The following ATP2B2 variants were observed in gnomAD, a reference collection of about 807,000 sequenced individuals.
ATP2B2 encodes plasma membrane calcium-transporting ATPase 2.
ATP2B2 carries 15 observed loss-of-function variants against 120.0 expected under a neutral mutation model. That is an observed-to-expected ratio of 0.12 (90% CI 0.08 to 0.19). ATP2B2 has a LOEUF of 0.19. Ranked by LOEUF, ATP2B2 falls within the 10% of genes least tolerant of loss-of-function variation. The pLI is 1.00. For missense variants in ATP2B2, 1,045 were observed against 1,719.8 expected, an observed-to-expected ratio of 0.61 and a Z score of 6.94; for synonymous variants, 694 against 700.3, an observed-to-expected ratio of 0.99 and a Z score of 0.14.
chr3:10,442,158 T>G (rs1340536572), intron 2 of ATP2B2, among the ~76,000 whole-genome samples: 2 of 152,112 alleles, frequency 1.3e-5, no homozygotes, highest in Non-Finnish European at 2.9e-5. Flanking sequence ...CAGGGTAGTT[T>G]TGGGACTCAG....
chr3:10,534,732 T>G (rs1358461041), intron 2 of ATP2B2, among the ~76,000 whole-genome samples: 1 of 152,078 alleles, frequency 6.6e-6, no homozygotes, highest in African/African-American at 2.4e-5. Context: ...TCATAATACC[T>G]ATTTTTCAGG....
chr3:10,546,612 TTC>T (rs1202957112), intron 2 of ATP2B2, among the ~76,000 whole-genome samples: 2 of 152,338 alleles, frequency 1.3e-5, no homozygotes, highest in East Asian at 3.9e-4. Context: ...AACTCCTCCC[TTC>T]TGAGGTCCCT....
At chr3:10,489,871 A>G (rs566958498) in intron 1 of ATP2B2, among the ~76,000 whole-genome samples, 1 of 152,144 alleles carries the variant, frequency 6.6e-6, no homozygotes, top group Non-Finnish European at 1.5e-5. Context: ...CTCAACTTAC[A>G]ACCATTTAGC....
chr3:10,685,704 G>A (rs528836175), intron 1 of ATP2B2, among the ~76,000 whole-genome samples: 143 of 152,290 alleles, frequency 9.4e-4, no homozygotes, highest in African/African-American at 3.3e-3. Context: ...ATGGTCTAGT[G>A]GTGGGCATGT....
chr3:10,583,976 C>T (rs973615500), intron 2 of ATP2B2, among the ~76,000 whole-genome samples: 4 of 152,226 alleles, frequency 2.6e-5, no homozygotes, highest in African/African-American at 7.2e-5. Flanking sequence ...AGGCAGTAAT[C>T]GCTGGCCAGG....
intron 1 of ATP2B2, among the ~76,000 whole-genome samples, chr3:10,664,752 C>T (rs1439282510): frequency 4.6e-5 from 7 of 152,144 alleles, no homozygotes; most frequent in Admixed American, 4.6e-4. Flanking sequence ...TAGCGGGTGC[C>T]TTGAAAAGGG....
chr3:10,562,110 G>A (rs2067915861), intron 2 of ATP2B2, among the ~76,000 whole-genome samples: 1 of 152,232 alleles, frequency 6.6e-6, no homozygotes, highest in African/African-American at 2.4e-5. Flanking sequence ...AGGTCTGCTA[G>A]TATATGAACA....
chr3:10,644,700 G>A (rs575036844), intron 1 of ATP2B2, among the ~76,000 whole-genome samples: 44 of 152,262 alleles, frequency 2.9e-4, no homozygotes, highest in Admixed American at 2.2e-3. Flanking sequence ...CAATAAGTCC[G>A]CAGAGACAGA....
chr3:10,707,941 T>TGCC (rs1329151337), exon 1 of ATP2B2: 1 of 150,258 alleles, frequency 6.7e-6, no homozygotes, highest in African/African-American at 2.5e-5. Flanking sequence ...AGCGAGATGC[T>TGCC]GCCGCCGCCG....
chr3:10,670,303 G>A (rs779612240), intron 1 of ATP2B2, among the ~76,000 whole-genome samples: 2 of 152,188 alleles, frequency 1.3e-5, no homozygotes, highest in Non-Finnish European at 1.5e-5. Flanking sequence ...ATGGTAGTTT[G>A]AGGTTGCTGC....
rs927038270 is a variant in ATP2B2, at chr3:10,348,706, A to T, written c.2404+1406T>A. On this transcript the variant is annotated intron_variant, in intron 16 of 22. Coordinates refer to ENST00000360273, the MANE Select transcript of ATP2B2 (RefSeq NM_001001331.4). ...ACCTAAAGCCTCCCTAGTCCAAGTT[A>T]GAGGCAGTGTTGGGTCCAGAGCACC... Among the ~76,000 whole-genome samples the T allele has an allele frequency of 3.9e-5, 6 of 152,230 alleles. No homozygotes were observed. The East Asian group carries it at 1.2e-3, about 29-fold the overall frequency.
intron 3 of ATP2B2, among the ~76,000 whole-genome samples, chr3:10,408,058 A>G (rs1338116980): frequency 6.6e-6 from 1 of 152,182 alleles, no homozygotes; most frequent in African/African-American, 2.4e-5. Flanking sequence ...CATGATTTCA[A>G]ACAAAACTCA....
In ATP2B2 at chr3:10,329,250, G is replaced by A; in HGVS notation, c.3421-125C>T. Reference sequence around the variant, plus strand: ...CAGGTGGCTGGAATCCATAGTCGCTGGGTGTTATTAGCATTGACAGGATGG... The same window carrying A: ...CAGGTGGCTGGAATCCATAGTCGCTAGGTGTTATTAGCATTGACAGGATGG... On this transcript the variant is annotated intron_variant, in intron 22 of 22. Transcript: ENST00000360273. This position sits in a 1 kb window ranked among gnomAD's most constrained non-coding sequence, Gnocchi z 5.9. The A allele has an allele frequency of 1.1e-6, 1 of 950,564 alleles. No individual in the cohort carries two copies. The highest frequency in any genetic ancestry group is 1.7e-6 in the Non-Finnish European group (1 of 598,122). 58.9% of individuals were successfully genotyped at this position (950,564 alleles called of 1,614,324 possible). A position where few individuals can be genotyped will look rare whatever the true frequency, so the allele number is the denominator to read the frequency against.
chr3:10,445,675 G>C (rs2063813354), intron 2 of ATP2B2, among the ~76,000 whole-genome samples: 1 of 152,240 alleles, frequency 6.6e-6, no homozygotes, highest in Non-Finnish European at 1.5e-5. Flanking sequence ...CACTTTCAGA[G>C]ATCTTTTTGC....
chr3:10,384,704 C>T (rs1346503689), intron 8 of ATP2B2, among the ~76,000 whole-genome samples: 1 of 152,172 alleles, frequency 6.6e-6, no homozygotes, highest in Non-Finnish European at 1.5e-5. Flanking sequence ...AGGCCCGAGC[C>T]CAAGCGAACC....
intron 2 of ATP2B2, among the ~76,000 whole-genome samples, chr3:10,574,932 G>A (rs555485245): frequency 6.6e-6 from 1 of 152,132 alleles, no homozygotes; most frequent in South Asian, 2.1e-4. Context: ...GAGTGTGGTG[G>A]GAACAGCCAT....
rs79655632 is a variant in ATP2B2, at chr3:10,464,468, C to T, written c.-319-14606G>A. Among the ~76,000 whole-genome samples the T allele has an allele frequency of 2.0e-3, 311 of 152,266 alleles. 5 individuals are homozygous for T. The South Asian group carries it at 0.041, about 20-fold the overall frequency. On this transcript the variant is annotated intron_variant, in intron 1 of 22. Transcript: ENST00000360273. ...TATAGCTTGGCTCCCTCCATTCCCACAGTCTATGGCCCCCACAGCAGCCCT... is the reference window on the plus strand; with the variant it reads ...TATAGCTTGGCTCCCTCCATTCCCATAGTCTATGGCCCCCACAGCAGCCCT...
intron 5 of ATP2B2, among the ~76,000 whole-genome samples, chr3:10,398,227 C>A (rs1169395206): frequency 6.6e-6 from 1 of 152,194 alleles, no homozygotes; most frequent in African/African-American, 2.4e-5. Context: ...AGATTACCAG[C>A]GACCCAAGAA....
At position 10,327,675 on chromosome 3, in the gene ATP2B2, C is replaced by T. The variant is rs962452113; in HGVS notation, c.*1139G>A. The T allele has an allele frequency of 6.5e-6, 1 of 152,696 alleles. No individual in the cohort carries two copies. The highest frequency in any genetic ancestry group is 2.4e-5 in the African/African-American group (1 of 41,462). The allele number at this position is 152,696 out of a possible 1,614,324, so 9.5% of individuals were successfully genotyped here. On this transcript the variant is annotated 3_prime_UTR_variant, in exon 23 of 23. Coordinates refer to ENST00000360273, the MANE Select transcript of ATP2B2 (RefSeq NM_001001331.4). ...CGAGTTTCATTGAGAGAAAAGTCTT[C>T]GAGCAGTGCTTTGCAGATCCTGGCA...
Sources: gnomAD v4.1 joint callset for allele counts (sites outside exome capture counted in the v4.1 genomes callset) on GRCh38, gnomAD v4.1.1 for gene constraint, Gnocchi (gnomAD v3.1) non-coding constraint, MANE v1.5 for transcripts, NCBI Gene and HGNC (gene_info 2026-07-23, HGNC 2026-07-21) for gene names.